KRT6C: variants seen among roughly 807,000 people sequenced by gnomAD.
The protein encoded by KRT6C is keratin 6C.
In KRT6C, 46 loss-of-function variants were observed where a neutral mutation model predicts 49.4. That is an observed-to-expected ratio of 0.93 (90% CI 0.74 to 1.19). The LOEUF (loss-of-function observed/expected upper bound fraction) is 1.19, where lower values mean the gene tolerates loss of function less well. KRT6C is among the 50% of genes most tolerant of loss of function. The pLI, the probability that KRT6C is intolerant of heterozygous loss-of-function variation, is 0.00. For synonymous variants in KRT6C, 236 were observed against 297.1 expected (o/e 0.79, Z 2.12); for missense variants, 552 against 737.5 (o/e 0.75, Z 2.91).
chr12:52,470,069 C>T, intron 6 of KRT6C, 179 bp from the exon 7 acceptor site: 1 of 768,224 alleles, frequency 1.3e-6, no homozygotes, highest in Non-Finnish European at 2.2e-6. Flanking sequence ...GTGACAAAGT[C>T]CTATGCCCCT....
rs1240577470 is a variant in KRT6C, at chr12:52,469,520, T to C, written c.1425-75A>G. On this transcript the variant is annotated intron_variant, in intron 7 of 8. Coordinates refer to ENST00000252250, the MANE Select transcript of KRT6C (RefSeq NM_173086.5). Reference sequence around the variant, plus strand: ...CCTGGACCAGTGTGGGCAGCCTCGGTGGGTGGAAGAGTCCATGGGAAACTG... The same window carrying C: ...CCTGGACCAGTGTGGGCAGCCTCGGCGGGTGGAAGAGTCCATGGGAAACTG... 12 of 1,613,440 alleles carry C rather than the reference T, an allele frequency of 7.4e-6. No individual in the cohort carries two copies. In the East Asian group the frequency reaches 2.5e-4, roughly 33 times the overall value.
At chr12:52,470,334 C>G (rs1215777041) in intron 6 of KRT6C, 171 bp downstream of exon 6, 1 of 1,229,156 alleles carries the variant, frequency 8.1e-7, no homozygotes, top group Non-Finnish European at 1.2e-6. Flanking sequence ...GGCTCATCCT[C>G]TTGGGTGGGA....
At chr12:52,471,546 C>G in intron 3 of KRT6C, 30 bp from the exon 4 acceptor site, 1 of 1,611,146 alleles carries the variant, frequency 6.2e-7, no homozygotes, top group African/African-American at 1.3e-5. Flanking sequence ...CCTGGAGTTA[C>G]CTGAGCTCAC....
At chr12:52,470,318 C>T in intron 6 of KRT6C, 187 bp downstream of exon 6, 2 of 1,051,302 alleles carry the variant, frequency 1.9e-6, no homozygotes, top group Non-Finnish European at 2.8e-6. Context: ...TTGCTTGTGC[C>T]TCAGAGGCTC....
rs77218649 is a variant in KRT6C at position 52,472,140 on chromosome 12, G to A, written c.681C>T (p.Ser227=). Residue 227 remains serine (S), a synonymous_variant, in exon 2 of 9, where the codon AGC becomes AGT. Coordinates refer to ENST00000252250, the MANE Select transcript of KRT6C (RefSeq NM_173086.5). ...YINNLRRQLD[S]IVGERGRLDS... The stretch of plus-strand genomic sequence containing the variant: ...CCAGGCGGCCCCGTTCCCCGACGAT[G>A]CTGTCCAGCTGCCTCCTGAGGTTGT... 4.3e-3 allele frequency: 6,598 copies of A among 1,539,512 alleles called. 349 individuals carry two copies. In the African/African-American group the frequency reaches 0.079, roughly 19 times the overall value.
At chr12:52,469,332 A>G (rs769711623) in intron 8 of KRT6C, 35 bp from the exon 9 acceptor site, 7 of 1,614,026 alleles carry the variant, frequency 4.3e-6, no homozygotes. Context: ...ACAAGAAGCC[A>G]CGGTGAGCTC....
Position 52,473,568 on chromosome 12 carries a change from C to A in KRT6C, c.170G>T (p.Gly57Val). 6.2e-6 allele frequency: 10 copies of A among 1,600,156 alleles called. No individual in the cohort carries two copies. The highest frequency in any genetic ancestry group is 8.5e-6 in the Non-Finnish European group (10 of 1,174,016). Residue 57 changes from glycine to valine, a missense_variant, in exon 1 of 9, where the codon GGC becomes GTC. Physicochemically the swap from Gly to Val is moderately radical, Grantham distance 109. Transcript: ENST00000252250. ...CCCCAGGCCATACAGACTGCGGCTGCCAAAGCCAGCTCCTCCACATGCACC... is the reference window on the plus strand; with the variant it reads ...CCCCAGGCCATACAGACTGCGGCTGACAAAGCCAGCTCCTCCACATGCACC... Reference protein sequence around the residue: ...LGGACGGAGFGSRSLYGLGGS... With the variant: ...LGGACGGAGFVSRSLYGLGGS...
chr12:52,469,346 C>T lies in KRT6C; in HGVS notation c.1460-49G>A, dbSNP rs765709540. On this transcript the variant is annotated intron_variant, in intron 8 of 8. Transcript: ENST00000252250. ...CACAAGAAGCCACGGTGAGCTCATC[C>T]TGCCGGCCTGAGCCCAGTCAGAAGA... The T allele has an allele frequency of 6.2e-6, 10 of 1,614,016 alleles. No homozygotes were observed. The East Asian group carries it at 6.7e-5, about 11-fold the overall frequency.
In KRT6C at chr12:52,468,981, G is replaced by A; in HGVS notation, c.*81C>T. 1 of 1,583,602 alleles carries A rather than the reference G, an allele frequency of 6.3e-7. No homozygotes were observed. Among genetic ancestry groups the A allele is most frequent in the Non-Finnish European group, 8.7e-7 (1 of 1,155,250 alleles). ...GAGCAGGGAAGACTAGAGGCCAGGA[G>A]AGGATAGGCAACCTGAGGAGACGGC... On this transcript the variant is annotated 3_prime_UTR_variant, in exon 9 of 9. Coordinates refer to ENST00000252250, the MANE Select transcript of KRT6C (RefSeq NM_173086.5).
At position 52,473,690 on chromosome 12, in the gene KRT6C, C is replaced by T. The variant is rs1209287312; in HGVS notation, c.48G>A (p.Arg16=). The change falls in exon 1 of 9, where the codon CGG becomes CGA. Residue 16 remains arginine (R), a synonymous_variant. Coordinates refer to ENST00000252250, the MANE Select transcript of KRT6C (RefSeq NM_173086.5). ...TTIRSHSSSR[R]GFSANSARLP... ...GCCTGGCTGAGTTGGCACTGAAACC[C>T]CGGCGGCTGCTGCTGTGGCTCCTGA... The T allele has an allele frequency of 2.5e-6, 4 of 1,613,464 alleles. No homozygotes were observed. Among genetic ancestry groups the T allele is most frequent in the Non-Finnish European group, 2.5e-6 (3 of 1,179,978 alleles).
chr12:52,469,049 T>C lies in KRT6C; in HGVS notation c.*13A>G, dbSNP rs1416891522. ...GCCTGAGGACTGTGGGACCGAGAGC[T>C]GGAGGCAGCACTTTAGTGCTTGTAG... is the stretch of plus-strand genomic sequence containing the variant. On this transcript the variant is annotated 3_prime_UTR_variant, in exon 9 of 9. Transcript: ENST00000252250. The C allele has an allele frequency of 1.9e-6, 3 of 1,613,910 alleles. No homozygotes were observed. Among genetic ancestry groups the C allele is most frequent in the East Asian group, 2.2e-5 (1 of 44,896 alleles).
In KRT6C at chr12:52,469,693, C is replaced by T. The variant is rs569388877; in HGVS notation, c.1401G>A (p.Lys467=). The T allele has an allele frequency of 2.1e-5, 34 of 1,614,180 alleles. No homozygotes were observed. In the South Asian group the frequency reaches 3.1e-4, roughly 15 times the overall value. The change falls in exon 7 of 9, where the codon AAG becomes AAA. Residue 467 remains lysine, a synonymous_variant. Coordinates refer to ENST00000252250, the MANE Select transcript of KRT6C (RefSeq NM_173086.5). Reference sequence around the variant, plus strand: ...ACCTGCACTCCTCGCCCTCCAGCAGCTTGCGGTAGGTGGCGATCTCCACAT... The same window carrying T: ...ACCTGCACTCCTCGCCCTCCAGCAGTTTGCGGTAGGTGGCGATCTCCACAT... The part of the protein sequence containing the change: ...ALDVEIATYR[K]LLEGEECRLN...
rs1423133245 is a variant in KRT6C, at chr12:52,468,715, C to T, written c.*347G>A. 3 of 317,512 alleles carry T rather than the reference C, an allele frequency of 9.4e-6. No individual in the cohort carries two copies. Among genetic ancestry groups the T allele is most frequent in the Non-Finnish European group, 1.8e-5 (3 of 170,530 alleles). 19.7% of individuals were successfully genotyped at this position (317,512 alleles called of 1,614,324 possible). On this transcript the variant is annotated 3_prime_UTR_variant, in exon 9 of 9. Transcript: ENST00000252250. ...GTGGAAGTTGTTCTGAAATAAGCCC[C>T]AGGCGATTTTCAGTAATGAAAAGGA...
rs1466248226 is a variant in KRT6C at position 52,470,644 on chromosome 12, G to A, written c.1078-14C>T. 5.0e-6 allele frequency: 8 copies of A among 1,613,794 alleles called. No homozygotes were observed. Among genetic ancestry groups the A allele is most frequent in the African/African-American group, 4.0e-5 (3 of 74,868 alleles). On this transcript the variant is annotated splice_polypyrimidine_tract_variant and intron_variant, in intron 5 of 8. Transcript: ENST00000252250. ...CAGCTCCTCGTACTGCAGCCCAGAG[G>A]TGGAGAGAGAGACAGTGTCTACGGG...
Position 52,473,417 on chromosome 12 carries a change from G to A in KRT6C, c.321C>T (p.Gly107=), listed in dbSNP as rs1937924027. 1.5e-6 allele frequency: 2 copies of A among 1,334,032 alleles called. No homozygotes were observed. The highest frequency in any genetic ancestry group is 2.5e-4 in the Middle Eastern group (1 of 3,944). 82.6% of individuals were successfully genotyped at this position (1,334,032 alleles called of 1,614,324 possible). The stretch of plus-strand genomic sequence containing the variant: ...CTCCACCACCCAGACCAAAGCCAAT[G>A]CCGGCTCCACCACCGAAACCAAATC... The part of the protein sequence containing the change: ...GSGFGFGGGA[G]IGFGLGGGAG... Residue 107 remains glycine (G), a synonymous_variant, in exon 1 of 9, where the codon GGC becomes GGT. Coordinates refer to ENST00000252250, the MANE Select transcript of KRT6C (RefSeq NM_173086.5).
intron 2 of KRT6C, 105 bp downstream of exon 2, chr12:52,471,961 G>A: frequency 8.4e-7 from 1 of 1,191,854 alleles, no homozygotes; most frequent in Non-Finnish European, 1.2e-6. Flanking sequence ...GGACTAATTT[G>A]TGCTTTTCAT....
rs380215 is a variant in KRT6C, at chr12:52,469,293, T to C, written c.1464A>G (p.Val488=). 6.2e-7 allele frequency: 1 copy of C among 1,613,928 alleles called. No individual in the cohort carries two copies. The highest frequency in any genetic ancestry group is 8.5e-7 in the Non-Finnish European group (1 of 1,179,846). Residue 488 remains valine, a synonymous_variant, in exon 9 of 9, where the codon GTA becomes GTG. Coordinates refer to ENST00000252250, the MANE Select transcript of KRT6C (RefSeq NM_173086.5). ...GEGVGQVNVS[V]VQSTISSGYG... is the part of the protein sequence containing the mutation. ...AGCCACTGGAGATGGTGGACTGTACTACAGCTGTGGTGGGGAGGGGACAAG... is the reference window on the plus strand; with the variant it reads ...AGCCACTGGAGATGGTGGACTGTACCACAGCTGTGGTGGGGAGGGGACAAG...
At position 52,468,897 on chromosome 12, in the gene KRT6C, G is replaced by T; in HGVS notation, c.*165C>A. ...GGTGAGCAATGGGTGCTCAGATGGG[G>T]CAGGTATAGACAGAGAGAAGTGAGG... On this transcript the variant is annotated 3_prime_UTR_variant, in exon 9 of 9. Transcript: ENST00000252250. 1 of 777,920 alleles carries T rather than the reference G, an allele frequency of 1.3e-6. No homozygotes were observed. The highest frequency in any genetic ancestry group is 2.1e-6 in the Non-Finnish European group (1 of 482,926). 48.2% of individuals were successfully genotyped at this position (777,920 alleles called of 1,614,324 possible). A position where few individuals can be genotyped will look rare whatever the true frequency, so the allele number is the denominator to read the frequency against.
At position 52,469,231 on chromosome 12, in the gene KRT6C, A is replaced by G. The variant is rs767609102; in HGVS notation, c.1526T>C (p.Leu509Pro). Reference protein sequence around the residue: ...GASGVGSGLGLGGGSSYSYGS... With the variant: ...GASGVGSGLGPGGGSSYSYGS... ...ATAGGAGTAGCTGCTTCCTCCACCCAGGCCTAAGCCACTGCCGACACCGCT... is the reference window on the plus strand; with the variant it reads ...ATAGGAGTAGCTGCTTCCTCCACCCGGGCCTAAGCCACTGCCGACACCGCT... The change falls in exon 9 of 9, where the codon CTG (leucine) becomes CCG (proline). Residue 509 changes from leucine to proline, a missense_variant. Leu to Pro is a moderately conservative substitution (Grantham distance 98, BLOSUM62 -3). Coordinates refer to ENST00000252250, the MANE Select transcript of KRT6C (RefSeq NM_173086.5). 4 of 1,613,958 alleles carry G rather than the reference A, an allele frequency of 2.5e-6. No homozygotes were observed. The highest frequency in any genetic ancestry group is 3.4e-6 in the Non-Finnish European group (4 of 1,179,848).
Sources: gnomAD v4.1 joint callset for allele counts on GRCh38, gnomAD v4.1.1 for gene constraint, MANE v1.5 for transcripts, NCBI Gene and HGNC (gene_info 2026-07-23, HGNC 2026-07-21) for gene names.